The following MOCOS variants were observed in gnomAD, a reference collection of about 807,000 sequenced individuals.
MOCOS encodes human molybdenum cofactor sulfurase.
In MOCOS, 86 loss-of-function variants were observed where a neutral mutation model predicts 83.6. The ratio of observed to expected loss-of-function variants is 1.03; its 90% confidence interval spans 0.86 to 1.23. The LOEUF (loss-of-function observed/expected upper bound fraction) is 1.23. MOCOS is among the 50% of genes most tolerant of loss of function. The probability of loss-of-function intolerance (pLI) is 0.00; values close to 1 mark genes in which losing one functional copy is unlikely to be tolerated. For missense variants in MOCOS, 1,120 were observed against 1,126.9 expected, an observed-to-expected ratio of 0.99 and a Z score of 0.09; for synonymous variants, 445 against 434.7, an observed-to-expected ratio of 1.02 and a Z score of -0.29.
At position 36,187,700 on chromosome 18, in the gene MOCOS, C is replaced by T. The variant is rs751942606; in HGVS notation, c.142+19C>T. ...CTGGCAGGTGAGGCGGGCGGGCAGGCTTGGGGGACACGAGGTTTCTGGAAC... is the reference window on the plus strand; with the variant it reads ...CTGGCAGGTGAGGCGGGCGGGCAGGTTTGGGGGACACGAGGTTTCTGGAAC... On this transcript the variant is annotated intron_variant, in intron 1 of 14. Transcript: ENST00000261326. 2.4e-6 allele frequency: 3 copies of T among 1,261,050 alleles called. No homozygotes were observed. The highest frequency in any genetic ancestry group is 3.6e-5 in the South Asian group (1 of 27,820). The allele number at this position is 1,261,050 out of a possible 1,614,324, so 78.1% of individuals were successfully genotyped here. A position where few individuals can be genotyped will look rare whatever the true frequency, so the allele number is the denominator to read the frequency against.
chr18:36,249,118 T>C lies in MOCOS; in HGVS notation c.2039+118T>C, dbSNP rs2091613339. On this transcript the variant is annotated intron_variant, in intron 10 of 14. Coordinates refer to ENST00000261326, the MANE Select transcript of MOCOS (RefSeq NM_017947.4). Reference sequence around the variant, plus strand: ...TACCCTTCAGTCCAGTTGCTGTCCATTTCTCCCTTGCATGCTTCTCTCTAA... The same window carrying C: ...TACCCTTCAGTCCAGTTGCTGTCCACTTCTCCCTTGCATGCTTCTCTCTAA... 9.4e-6 allele frequency: 8 copies of C among 851,162 alleles called. No individual in the cohort carries two copies. The South Asian group carries it at 1.1e-4, about 12-fold the overall frequency. The allele number at this position is 851,162 out of a possible 1,614,324, so 52.7% of individuals were successfully genotyped here.
intron 9 of MOCOS, among the ~76,000 whole-genome samples, chr18:36,223,043 C>T (rs1218812548): frequency 6.6e-6 from 1 of 152,168 alleles, no homozygotes; most frequent in Non-Finnish European, 1.5e-5. Context: ...CACAGGTTGC[C>T]TTTTCACTTT....
chr18:36,225,434 G>T (rs766150915), intron 9 of MOCOS, among the ~76,000 whole-genome samples: 1 of 152,210 alleles, frequency 6.6e-6, no homozygotes, highest in Non-Finnish European at 1.5e-5. Flanking sequence ...ACAAGCGTGA[G>T]CCACTGTGCC....
intron 6 of MOCOS, among the ~76,000 whole-genome samples, chr18:36,207,792 G>A (rs1439812919): frequency 6.6e-6 from 1 of 151,974 alleles, no homozygotes; most frequent in Non-Finnish European, 1.5e-5. Context: ...ATGTTCATTA[G>A]TTTAGTTAGG....
chr18:36,220,283 C>T (rs2091491258), intron 9 of MOCOS, 66 bp downstream of exon 9: 15 of 1,581,374 alleles, frequency 9.5e-6, no homozygotes, highest in Non-Finnish European at 1.3e-5. Context: ...ATATGAAATA[C>T]TCTACCAAGT....
chr18:36,191,773 T>A (rs1568046762), intron 1 of MOCOS, among the ~76,000 whole-genome samples: 2 of 152,004 alleles, frequency 1.3e-5, no homozygotes, highest in Middle Eastern at 6.8e-3. Flanking sequence ...CACACACATG[T>A]GAGCCATATG....
intron 9 of MOCOS, among the ~76,000 whole-genome samples, chr18:36,228,658 C>A (rs1165029131): frequency 6.6e-6 from 1 of 151,916 alleles, no homozygotes; most frequent in East Asian, 1.9e-4. Context: ...TAGAGGGGAA[C>A]AATAGACACT....
chr18:36,188,840 A>G (rs1232576980), intron 1 of MOCOS, among the ~76,000 whole-genome samples: 1 of 151,198 alleles, frequency 6.6e-6, no homozygotes, highest in African/African-American at 2.4e-5. Flanking sequence ...GCCTTCTGCC[A>G]ACCTCTCTAT....
intron 2 of MOCOS, among the ~76,000 whole-genome samples, chr18:36,196,475 G>A (rs2091388037): frequency 6.6e-6 from 1 of 152,044 alleles, no homozygotes; most frequent in African/African-American, 2.4e-5. Context: ...AGGCAGTTTA[G>A]CTCCAGAGCC....
intron 9 of MOCOS, among the ~76,000 whole-genome samples, chr18:36,223,741 A>G (rs1285221967): frequency 6.6e-6 from 1 of 152,048 alleles, no homozygotes; most frequent in Non-Finnish European, 1.5e-5. Flanking sequence ...GTGCCTTTCC[A>G]TTTGTTTAAT....
At chr18:36,215,450 G>A (rs1043839719) in intron 7 of MOCOS, 66 bp from the exon 8 acceptor site, 61 of 1,468,376 alleles carry the variant, frequency 4.2e-5, no homozygotes, top group South Asian at 2.0e-4. Context: ...TTATTTTGCC[G>A]AACTGTTTCC....
chr18:36,255,242 A>G (rs1011899975), intron 11 of MOCOS, among the ~76,000 whole-genome samples: 7 of 152,142 alleles, frequency 4.6e-5, no homozygotes, highest in African/African-American at 1.7e-4. Flanking sequence ...CGCTTAAATA[A>G]AGGGCTAGGG....
At chr18:36,251,316 G>A in intron 11 of MOCOS, 33 bp downstream of exon 11, 1 of 1,611,872 alleles carries the variant, frequency 6.2e-7, no homozygotes, top group Non-Finnish European at 8.5e-7. Flanking sequence ...GTAGAGAACA[G>A]GAACCCTGGC....
At chr18:36,251,035 C>G (rs898166801) in intron 10 of MOCOS, 124 bp from the exon 11 acceptor site, 6 of 1,212,212 alleles carry the variant, frequency 4.9e-6, no homozygotes, top group Admixed American at 2.1e-5. Flanking sequence ...TCACTTCAGG[C>G]TGCCTTCAGG....
chr18:36,209,205 G>C (rs185405253), intron 6 of MOCOS, among the ~76,000 whole-genome samples: 2 of 151,220 alleles, frequency 1.3e-5, no homozygotes, highest in African/African-American at 4.9e-5. Context: ...TGGAGACAAG[G>C]TTTCACTCTG....
At chr18:36,199,288 A>G (rs1341888975) in intron 3 of MOCOS, among the ~76,000 whole-genome samples, 1 of 152,232 alleles carries the variant, frequency 6.6e-6, no homozygotes, top group African/African-American at 2.4e-5. Context: ...ATTTCAAGTT[A>G]GTTCAAATGT....
chr18:36,224,032 T>G (rs2091506480), intron 9 of MOCOS, among the ~76,000 whole-genome samples: 1 of 152,160 alleles, frequency 6.6e-6, no homozygotes, highest in East Asian at 1.9e-4. Flanking sequence ...TACTCTTTTT[T>G]TTGTGCTATT....
Position 36,269,975 on chromosome 18 carries a change from T to C in MOCOS, c.*1290T>C, listed in dbSNP as rs1464442210. 6.6e-6 allele frequency: 1 copy of C among 152,246 alleles called. No homozygotes were observed. Among genetic ancestry groups the C allele is most frequent in the East Asian group, 1.9e-4 (1 of 5,190 alleles). 9.4% of individuals were successfully genotyped at this position (152,246 alleles called of 1,614,324 possible). The stretch of plus-strand genomic sequence containing the variant: ...ATCACATTTGTAGGACTTTGTGTTG[T>C]TCCCAGCACTAGGTGAGATTTGAAA... On this transcript the variant is annotated 3_prime_UTR_variant, in exon 15 of 15. Transcript: ENST00000261326.
chr18:36,259,554 A>C (rs9748360), intron 12 of MOCOS, among the ~76,000 whole-genome samples: 1,086 of 23,496 alleles, frequency 0.046, 12 homozygotes, highest in African/African-American at 0.12. Flanking sequence ...TTTAATACCC[A>C]AAAAAAAAAA....
Sources: gnomAD v4.1 joint callset for allele counts (sites outside exome capture counted in the v4.1 genomes callset) on GRCh38, gnomAD v4.1.1 for gene constraint, MANE v1.5 for transcripts, NCBI Gene and HGNC (gene_info 2026-07-23, HGNC 2026-07-21) for gene names.